UNCX: variants seen among roughly 807,000 people sequenced by gnomAD.
UNCX encodes UNC homeobox, also known as homeobox protein unc-4 homolog.
In UNCX, 4 loss-of-function variants were observed where a neutral mutation model predicts 14.8. That is an observed-to-expected ratio of 0.27 (90% CI 0.13 to 0.62). The LOEUF is 0.62. Ranked by LOEUF, UNCX falls within the 20% of genes least tolerant of loss-of-function variation. The pLI is 0.86. For missense variants in UNCX, 749 were observed against 786.8 expected (o/e 0.95, Z 0.58); for synonymous variants, 459 against 395.8 (o/e 1.16, Z -1.90).
intron 2 of UNCX, among the ~76,000 whole-genome samples, chr7:1,234,623 C>CATG (rs1491361637): frequency 2.7e-5 from 4 of 149,956 alleles, no homozygotes. Flanking sequence ...CTCTCATGAC[C>CATG]TCTTCTGCTT....
At chr7:1,234,109 C>T (rs74905287) in intron 2 of UNCX, among the ~76,000 whole-genome samples, 7,868 of 151,502 alleles carry the variant, frequency 0.052, 227 homozygotes, top group Middle Eastern at 0.18. Context: ...CTCAACCTTC[C>T]GCGCGAGGCT....
In UNCX at chr7:1,233,449, G is replaced by C. The variant is rs1373418103; in HGVS notation, c.275-71G>C. The C allele has an allele frequency of 2.2e-6, 3 of 1,388,690 alleles. No individual in the cohort carries two copies. The highest frequency in any genetic ancestry group is 3.1e-5 in the Admixed American group (1 of 32,656). The allele number at this position is 1,388,690 out of a possible 1,614,324, so 86.0% of individuals were successfully genotyped here. On this transcript the variant is annotated intron_variant, in intron 1 of 2. Coordinates refer to ENST00000316333, the MANE Select transcript of UNCX (RefSeq NM_001080461.3). The surrounding 1 kb of genome is among the most constrained non-coding windows in gnomAD (Gnocchi z 5.3). ...CCCGGATCCAGGCGGCCAGCGGGTA[G>C]CGGGAGGGAGGGGTGGGGGTCGGGC...
In UNCX at chr7:1,233,541, A is replaced by T. The variant is rs753500724; in HGVS notation, c.296A>T (p.Glu99Val). ...KLSDSGDPDK[E>V]SPGCKRRRTR... ...GCAGACTCGGGGGACCCGGACAAGG[A>T]GAGCCCGGGCTGCAAGCGGCGGCGC... Residue 99 changes from glutamate to valine, a missense_variant, in exon 2 of 3, where the codon GAG becomes GTG. Transcript: ENST00000316333. This position sits in a 1 kb window ranked among gnomAD's most constrained non-coding sequence, Gnocchi z 5.3. 2 of 1,611,974 alleles carry T rather than the reference A, an allele frequency of 1.2e-6. No individual in the cohort carries two copies. The highest frequency in any genetic ancestry group is 1.7e-6 in the Non-Finnish European group (2 of 1,179,686).
intron 2 of UNCX, 44 bp from the exon 3 acceptor site, chr7:1,235,788 C>A (rs768175944): frequency 2.6e-6 from 4 of 1,566,960 alleles, no homozygotes; most frequent in East Asian, 4.5e-5. Flanking sequence ...GCGGCCAGCC[C>A]GCCGCCTGAT....
chr7:1,233,337 G>T lies in UNCX; in HGVS notation c.274+46G>T, dbSNP rs1326208486. 2 of 1,321,600 alleles carry T rather than the reference G, an allele frequency of 1.5e-6. No homozygotes were observed. Among genetic ancestry groups the T allele is most frequent in the South Asian group, 4.2e-5 (2 of 47,814 alleles). The allele number at this position is 1,321,600 out of a possible 1,614,324, so 81.9% of individuals were successfully genotyped here. ...GGCGGGGAGGAGTGCGGCTGGGGGC[G>T]GGGGCCCTGGTCCGGCCGAGGCGCT... On this transcript the variant is annotated intron_variant, in intron 1 of 2. Coordinates refer to ENST00000316333, the MANE Select transcript of UNCX (RefSeq NM_001080461.3). The surrounding 1 kb of genome is among the most constrained non-coding windows in gnomAD (Gnocchi z 5.3).
At chr7:1,234,800 TGG>T (rs1279841830) in intron 2 of UNCX, among the ~76,000 whole-genome samples, 1 of 148,744 alleles carries the variant, frequency 6.7e-6, no homozygotes, top group Non-Finnish European at 1.5e-5. Flanking sequence ...GTTACAGCGT[TGG>T]GGGAGGGCTC....
In UNCX at chr7:1,237,081, CT is replaced by C. The variant is rs1234334894; in HGVS notation, c.*106del. The C allele has an allele frequency of 1.6e-5, 15 of 910,998 alleles. No individual in the cohort carries two copies. Among genetic ancestry groups the C allele is most frequent in the Non-Finnish European group, 2.0e-5 (15 of 747,998 alleles). 56.4% of individuals were successfully genotyped at this position (910,998 alleles called of 1,614,324 possible). A position where few individuals can be genotyped will look rare whatever the true frequency, so the allele number is the denominator to read the frequency against. ...ATCGGCTCTAGAAACACTGCTTTCC[CT>C]TCTTTTCTTTTGTTTTCTTTCTTTT... On this transcript the variant is annotated 3_prime_UTR_variant, in exon 3 of 3. Transcript: ENST00000316333. The surrounding 1 kb of genome is among the most constrained non-coding windows in gnomAD (Gnocchi z 5.8).
Position 1,233,777 on chromosome 7 carries a change from G to C in UNCX, c.450+82G>C. ...CCGGGACGCCTTTGTTCCAGGTGGC[G>C]AGATATCGTCCCCTTGCCGCGGGCC... is the stretch of plus-strand genomic sequence containing the variant. On this transcript the variant is annotated intron_variant, in intron 2 of 2. Transcript: ENST00000316333. The surrounding 1 kb of genome is among the most constrained non-coding windows in gnomAD (Gnocchi z 5.3). 6.7e-7 allele frequency: 1 copy of C among 1,492,806 alleles called. No individual in the cohort carries two copies. The highest frequency in any genetic ancestry group is 2.1e-5 in the Admixed American group (1 of 48,462). 92.5% of individuals were successfully genotyped at this position (1,492,806 alleles called of 1,614,324 possible).
At chr7:1,235,548 C>T (rs1778723250) in intron 2 of UNCX, among the ~76,000 whole-genome samples, 1 of 152,256 alleles carries the variant, frequency 6.6e-6, no homozygotes, top group Non-Finnish European at 1.5e-5. Flanking sequence ...AGACCGGCCC[C>T]CCAAGTAAGG....
At position 1,233,739 on chromosome 7, in the gene UNCX, G is replaced by A; in HGVS notation, c.450+44G>A. 6.4e-7 allele frequency: 1 copy of A among 1,560,190 alleles called. No homozygotes were observed. Among genetic ancestry groups the A allele is most frequent in the Non-Finnish European group, 8.7e-7 (1 of 1,150,184 alleles). On this transcript the variant is annotated intron_variant, in intron 2 of 2. Transcript: ENST00000316333. This position sits in a 1 kb window ranked among gnomAD's most constrained non-coding sequence, Gnocchi z 5.3. ...TCCCGGATCTGCCATCCGGACCCCA[G>A]GCTCTGGGCGCGCCGGGACGCCTTT...
Position 1,233,779 on chromosome 7 carries a change from G to C in UNCX, c.450+84G>C. The C allele has an allele frequency of 1.3e-6, 2 of 1,481,838 alleles. No homozygotes were observed. The highest frequency in any genetic ancestry group is 1.8e-6 in the Non-Finnish European group (2 of 1,107,070). 91.8% of individuals were successfully genotyped at this position (1,481,838 alleles called of 1,614,324 possible). On this transcript the variant is annotated intron_variant, in intron 2 of 2. Transcript: ENST00000316333. The surrounding 1 kb of genome is among the most constrained non-coding windows in gnomAD (Gnocchi z 5.3). ...GGGACGCCTTTGTTCCAGGTGGCGA[G>C]ATATCGTCCCCTTGCCGCGGGCCCG...
At position 1,233,720 on chromosome 7, in the gene UNCX, A is replaced by T; in HGVS notation, c.450+25A>T. The stretch of plus-strand genomic sequence containing the variant: ...GGTAAAGACCCGGCGTCGCTCCCGG[A>T]TCTGCCATCCGGACCCCAGGCTCTG... On this transcript the variant is annotated intron_variant, in intron 2 of 2. Coordinates refer to ENST00000316333, the MANE Select transcript of UNCX (RefSeq NM_001080461.3). This position sits in a 1 kb window ranked among gnomAD's most constrained non-coding sequence, Gnocchi z 5.3. 1 of 1,577,760 alleles carries T rather than the reference A, an allele frequency of 6.3e-7. No homozygotes were observed. The highest frequency in any genetic ancestry group is 8.6e-7 in the Non-Finnish European group (1 of 1,157,500).
Position 1,236,619 on chromosome 7 carries a change from C to T in UNCX, c.1238C>T (p.Pro413Leu). 3.8e-5 allele frequency: 41 copies of T among 1,079,654 alleles called. No individual in the cohort carries two copies. The highest frequency in any genetic ancestry group is 4.6e-5 in the Non-Finnish European group (41 of 896,900). The allele number at this position is 1,079,654 out of a possible 1,614,324, so 66.9% of individuals were successfully genotyped here. ...EPAPKDAPPA[P>L]AVPPAPPAQA... ...GCGCCCAAGGACGCGCCGCCCGCGC[C>T]CGCCGTGCCGCCCGCGCCGCCTGCC... Residue 413 changes from proline to leucine, a missense_variant, in exon 3 of 3, where the codon CCC becomes CTC. Pro to Leu is a moderately conservative substitution (Grantham distance 98). Around this residue, in one of 3 missense-constraint regions of UNCX, gnomAD observed 552 missense variants for 507.2 expected, o/e 1.09. Transcript: ENST00000316333. This position sits in a 1 kb window ranked among gnomAD's most constrained non-coding sequence, Gnocchi z 6.9.
intron 2 of UNCX, among the ~76,000 whole-genome samples, chr7:1,235,557 G>C (rs944506617): frequency 3.3e-5 from 5 of 152,388 alleles, no homozygotes; most frequent in African/African-American, 9.6e-5. Flanking sequence ...CCCCAAGTAA[G>C]GGGCGGCTCC....
chr7:1,233,905 G>A lies in UNCX; in HGVS notation c.450+210G>A, dbSNP rs377326943. Among the ~76,000 whole-genome samples the A allele has an allele frequency of 1.3e-5, 2 of 152,246 alleles. No homozygotes were observed. Among genetic ancestry groups the A allele is most frequent in the African/African-American group, 2.4e-5 (1 of 41,460 alleles). ...GTAACTGCCCCCCAAAAGCCTGGGC[G>A]GCTTGAGAAGGGCCGGCGGCAGCAC... is the stretch of plus-strand genomic sequence containing the variant. On this transcript the variant is annotated intron_variant, in intron 2 of 2. Transcript: ENST00000316333. The surrounding 1 kb of genome is among the most constrained non-coding windows in gnomAD (Gnocchi z 5.3).
chr7:1,236,343 G>A lies in UNCX; in HGVS notation c.962G>A (p.Arg321His). Residue 321 changes from arginine to histidine, a missense_variant, in exon 3 of 3, where the codon CGC becomes CAC. Physicochemically the swap from Arg to His is conservative, Grantham distance 29. This residue lies in a region of UNCX where 552 missense variants were observed against 507.2 expected (regional missense o/e 1.09). Transcript: ENST00000316333. The surrounding 1 kb of genome is among the most constrained non-coding windows in gnomAD (Gnocchi z 6.9). Reference protein sequence around the residue: ...GPGAAVAAVERGAAGLPKASP... With the variant: ...GPGAAVAAVEHGAAGLPKASP... ...GGGGCCGCTGTGGCGGCGGTGGAGC[G>A]CGGCGCCGCGGGGCTGCCCAAGGCC... The A allele has an allele frequency of 7.7e-7, 1 of 1,296,976 alleles. No homozygotes were observed. The highest frequency in any genetic ancestry group is 3.5e-5 in the East Asian group (1 of 28,344). 80.3% of individuals were successfully genotyped at this position (1,296,976 alleles called of 1,614,324 possible). A position where few individuals can be genotyped will look rare whatever the true frequency, so the allele number is the denominator to read the frequency against.
chr7:1,233,255 G>T lies in UNCX; in HGVS notation c.238G>T (p.Gly80Trp), dbSNP rs1256683027. Residue 80 changes from glycine to tryptophan, a missense_variant, in exon 1 of 3, where the codon GGG becomes TGG. By Grantham distance (184) the Gly-to-Trp change is radical (BLOSUM62 -2). Transcript: ENST00000316333. This position sits in a 1 kb window ranked among gnomAD's most constrained non-coding sequence, Gnocchi z 5.3. ...CACGCCGCTGCTGCCAGCCGCCTGCGGGGTCGGCGGGGACGGCCAGCCCTT... is the reference window on the plus strand; with the variant it reads ...CACGCCGCTGCTGCCAGCCGCCTGCTGGGTCGGCGGGGACGGCCAGCCCTT... ...NPTPLLPAACGVGGDGQPFKL... is the reference protein window; with the variant it reads ...NPTPLLPAACWVGGDGQPFKL... The T allele has an allele frequency of 2.2e-6, 3 of 1,353,244 alleles. No individual in the cohort carries two copies. The highest frequency in any genetic ancestry group is 2.8e-6 in the Non-Finnish European group (3 of 1,060,010). 83.8% of individuals were successfully genotyped at this position (1,353,244 alleles called of 1,614,324 possible). A position where few individuals can be genotyped will look rare whatever the true frequency, so the allele number is the denominator to read the frequency against.
intron 2 of UNCX, among the ~76,000 whole-genome samples, chr7:1,235,164 C>CGCAG (rs1213599853): frequency 5.3e-5 from 8 of 152,218 alleles, no homozygotes; most frequent in Non-Finnish European, 7.3e-5. Flanking sequence ...GGCCAAGGAC[C>CGCAG]GCAGGTTTGG....
In UNCX at chr7:1,233,739, G is replaced by GGCTCT. The variant is rs779727612; in HGVS notation, c.450+46_450+50dup. 1.3e-6 allele frequency: 2 copies of GGCTCT among 1,560,190 alleles called. No individual in the cohort carries two copies. Among genetic ancestry groups the GGCTCT allele is most frequent in the Non-Finnish European group, 1.7e-6 (2 of 1,150,184 alleles). On this transcript the variant is annotated intron_variant, in intron 2 of 2. Coordinates refer to ENST00000316333, the MANE Select transcript of UNCX (RefSeq NM_001080461.3). The surrounding 1 kb of genome is among the most constrained non-coding windows in gnomAD (Gnocchi z 5.3). ...TCCCGGATCTGCCATCCGGACCCCA[G>GGCTCT]GCTCTGGGCGCGCCGGGACGCCTTT...
Sources: gnomAD v4.1 joint callset for allele counts (sites outside exome capture counted in the v4.1 genomes callset) on GRCh38, gnomAD v4.1.1 for gene constraint, gnomAD v4.1.1 regional missense constraint, Gnocchi (gnomAD v3.1) non-coding constraint, MANE v1.5 for transcripts, NCBI Gene and HGNC (gene_info 2026-07-23, HGNC 2026-07-21) for gene names.